Variants in DOCK3 observed in about 807,000 individuals in gnomAD.
DOCK3 encodes dedicator of cytokinesis 3.
In DOCK3, 60 loss-of-function variants were observed where a neutral mutation model predicts 265.6. That is an observed-to-expected ratio of 0.23 (90% CI 0.18 to 0.28). The LOEUF is 0.28. Among genes scored for constraint, DOCK3 ranks in the 10% least tolerant of loss-of-function variants. DOCK3 has a pLI of 1.00. For synonymous variants in DOCK3, 881 were observed against 938.0 expected (o/e 0.94, Z 1.11); for missense variants, 1,981 against 2,594.3 (o/e 0.76, Z 5.14).
intron 1 of DOCK3, among the ~76,000 whole-genome samples, chr3:50,721,832 T>C (rs1315203430): frequency 6.6e-6 from 1 of 152,216 alleles, no homozygotes. Flanking sequence ...ATGGGAATGT[T>C]TTTTTCATTT....
At chr3:51,367,496 G>C (rs1047443748) in intron 49 of DOCK3, among the ~76,000 whole-genome samples, 1 of 152,132 alleles carries the variant, frequency 6.6e-6, no homozygotes, top group Non-Finnish European at 1.5e-5. Context: ...TTACATTTAA[G>C]GTTAATATTG....
intron 9 of DOCK3, among the ~76,000 whole-genome samples, chr3:51,095,014 T>C (rs2082785455): frequency 6.6e-6 from 1 of 151,926 alleles, no homozygotes; most frequent in African/African-American, 2.4e-5. Context: ...TTTTTTACTT[T>C]CTATTTGCTT....
At chr3:51,017,966 C>A (rs750825254) in intron 5 of DOCK3, among the ~76,000 whole-genome samples, 11 of 151,658 alleles carry the variant, frequency 7.3e-5, no homozygotes, top group Non-Finnish European at 1.5e-4. Flanking sequence ...GATCTCGGCT[C>A]ACTGTAACCT....
At chr3:51,118,564 A>C (rs1450072437) in intron 9 of DOCK3, among the ~76,000 whole-genome samples, 6 of 152,190 alleles carry the variant, frequency 3.9e-5, no homozygotes, top group Non-Finnish European at 7.4e-5. Flanking sequence ...GGGGTGTTAA[A>C]GTCTCCCACT....
At chr3:50,923,676 A>G (rs1276446996) in intron 4 of DOCK3, among the ~76,000 whole-genome samples, 1 of 152,210 alleles carries the variant, frequency 6.6e-6, no homozygotes, top group Non-Finnish European at 1.5e-5. Flanking sequence ...ATAATATATT[A>G]TGGACATTAC....
chr3:50,808,570 G>A (rs1450191083), intron 2 of DOCK3, among the ~76,000 whole-genome samples: 4 of 152,172 alleles, frequency 2.6e-5, no homozygotes, highest in Non-Finnish European at 5.9e-5. Context: ...TCACTCATGT[G>A]TTTCCAAAAG....
chr3:51,034,219 T>C (rs1199029329), intron 5 of DOCK3, among the ~76,000 whole-genome samples: 1 of 152,126 alleles, frequency 6.6e-6, no homozygotes, highest in Non-Finnish European at 1.5e-5. Context: ...TGCCTTTTAA[T>C]TGGAGTTTTT....
intron 3 of DOCK3, among the ~76,000 whole-genome samples, chr3:50,857,662 C>T (rs1297814488): frequency 6.6e-6 from 1 of 152,160 alleles, no homozygotes; most frequent in African/African-American, 2.4e-5. Flanking sequence ...ATGCAGCCAA[C>T]AGACACATGA....
At chr3:50,909,363 C>A (rs1472539783) in intron 4 of DOCK3, among the ~76,000 whole-genome samples, 1 of 152,072 alleles carries the variant, frequency 6.6e-6, no homozygotes, top group Admixed American at 6.6e-5. Context: ...ATGGTCTTTC[C>A]TTTCCATATG....
intron 14 of DOCK3, among the ~76,000 whole-genome samples, chr3:51,220,605 C>T (rs113376223): frequency 0.015 from 2,215 of 146,438 alleles, 48 homozygotes; most frequent in African/African-American, 0.052. Flanking sequence ...TGCAGTGAGC[C>T]GAGATTGTGC....
intron 1 of DOCK3, among the ~76,000 whole-genome samples, chr3:50,736,171 A>G (rs551645565): frequency 1.9e-4 from 29 of 151,930 alleles, no homozygotes; most frequent in African/African-American, 6.8e-4. Context: ...TTGTCTTGCG[A>G]TAGTTTGCTG....
chr3:51,370,698 C>G (rs755447271), intron 49 of DOCK3, among the ~76,000 whole-genome samples: 2 of 152,216 alleles, frequency 1.3e-5, no homozygotes, highest in Admixed American at 6.5e-5. Flanking sequence ...ATTTTTACTT[C>G]AAATGGCTTG....
chr3:51,159,119 A>G lies in DOCK3; in HGVS notation c.829-125A>G, dbSNP rs185213789. The G allele has an allele frequency of 9.1e-5, 69 of 758,568 alleles. No individual in the cohort carries two copies. The East Asian group carries it at 1.7e-3, about 18-fold the overall frequency. The allele number at this position is 758,568 out of a possible 1,614,324, so 47.0% of individuals were successfully genotyped here. On this transcript the variant is annotated intron_variant, in intron 10 of 52. Coordinates refer to ENST00000266037, the MANE Select transcript of DOCK3 (RefSeq NM_004947.5). ...ACATCTTATAAACCATTAAAGTGCT[A>G]TATGCTGTAATCTCCCTTCCCCTGC...
At position 51,381,187 on chromosome 3, in the gene DOCK3, C is replaced by A; in HGVS notation, c.5721C>A (p.Ala1907=). 1 of 1,613,886 alleles carries A rather than the reference C, an allele frequency of 6.2e-7. No homozygotes were observed. The highest frequency in any genetic ancestry group is 2.2e-5 in the East Asian group (1 of 44,866). The change falls in exon 53 of 53, where the codon GCC becomes GCA. Residue 1907 remains alanine (A), a synonymous_variant. Coordinates refer to ENST00000266037, the MANE Select transcript of DOCK3 (RefSeq NM_004947.5). The surrounding 1 kb of genome is among the most constrained non-coding windows in gnomAD (Gnocchi z 5.6). ...GTAACTTTGGGCACTCCTCGGAGGC[C>A]CCACCTCGCACTGACACCATGGACT... The part of the protein sequence containing the change: ...SESNFGHSSE[A]PPRTDTMDSM...
intron 9 of DOCK3, among the ~76,000 whole-genome samples, chr3:51,143,620 G>C (rs1192164146): frequency 1.3e-5 from 2 of 152,074 alleles, no homozygotes; most frequent in Non-Finnish European, 2.9e-5. Context: ...ATATTTTCTT[G>C]TGCTTATTTG....
intron 4 of DOCK3, among the ~76,000 whole-genome samples, chr3:50,905,325 A>G (rs990807914): frequency 2.0e-5 from 3 of 151,780 alleles, no homozygotes; most frequent in South Asian, 2.1e-4. Context: ...TGATGGGGAC[A>G]GCATTGAATC....
At chr3:51,175,141 C>T (rs2086873329) in intron 12 of DOCK3, among the ~76,000 whole-genome samples, 1 of 152,162 alleles carries the variant, frequency 6.6e-6, no homozygotes, top group Non-Finnish European at 1.5e-5. Context: ...CACAGGGCTG[C>T]TTCAGGGACC....
At chr3:51,138,619 A>G (rs146192147) in intron 9 of DOCK3, among the ~76,000 whole-genome samples, 2,210 of 152,322 alleles carry the variant, frequency 0.015, 179 homozygotes, top group Admixed American at 0.13. Context: ...TTTTTGGACA[A>G]GACCTTGGTG....
chr3:50,953,292 C>T (rs1304534057), intron 5 of DOCK3, among the ~76,000 whole-genome samples: 2 of 152,112 alleles, frequency 1.3e-5, no homozygotes, highest in African/African-American at 4.8e-5. Flanking sequence ...GAATGAATGG[C>T]TGCTTGATCT....
Sources: gnomAD v4.1 joint callset for allele counts (sites outside exome capture counted in the v4.1 genomes callset) on GRCh38, gnomAD v4.1.1 for gene constraint, Gnocchi (gnomAD v3.1) non-coding constraint, MANE v1.5 for transcripts, NCBI Gene and HGNC (gene_info 2026-07-23, HGNC 2026-07-21) for gene names.